The following IL1RL2 variants were observed in gnomAD, a reference collection of about 807,000 sequenced individuals.
The protein encoded by IL1RL2 is interleukin 1 receptor like 2, also known as interleukin-1 receptor-like 2.
In IL1RL2, 68 loss-of-function variants were observed where a neutral mutation model predicts 66.8. The observed-to-expected ratio is 1.02, with a 90% CI of 0.84 to 1.25. IL1RL2 has a LOEUF of 1.25. Ranked by LOEUF, IL1RL2 falls within the 50% of genes most tolerant of loss-of-function variation. The pLI is 0.00. For synonymous variants in IL1RL2, 305 were observed against 264.6 expected, an observed-to-expected ratio of 1.15 and a Z score of -1.48; for missense variants, 729 against 709.3, an observed-to-expected ratio of 1.03 and a Z score of -0.32.
rs1481634028 is a variant in IL1RL2 at position 102,195,559 on chromosome 2, C to CTTTCTTTCTT, written c.489+3440_489+3441insTTCTTTCTTT. Among the ~76,000 whole-genome samples the CTTTCTTTCTT allele has an allele frequency of 6.4e-4, 28 of 43,730 alleles. 6 individuals are homozygous for CTTTCTTTCTT. The highest frequency in any genetic ancestry group is 2.7e-3 in the Admixed American group (12 of 4,390). 28.7% of individuals were successfully genotyped at this position (43,730 alleles called of 152,430 possible). A position where few individuals can be genotyped will look rare whatever the true frequency, so the allele number is the denominator to read the frequency against. On this transcript the variant is annotated intron_variant, in intron 4 of 11. Transcript: ENST00000264257. Reference sequence around the variant, plus strand: ...ATTCCCTTATTCTATTTCTTTCTTTCTCTTTCTTTCTTTCTTTCTTTCTTT... The same window carrying CTTTCTTTCTT: ...ATTCCCTTATTCTATTTCTTTCTTTCTTTCTTTCTTTCTTTCTTTCTTTCTTTCTTTCTTT...
chr2:102,235,667 C>A (rs1338794587), intron 11 of IL1RL2: 2 of 985,188 alleles, frequency 2.0e-6, no homozygotes, highest in Non-Finnish European at 2.4e-6. Flanking sequence ...CCTGTGCTGT[C>A]GGGGGACCAC....
At chr2:102,197,027 C>T (rs1038713339) in intron 4 of IL1RL2, among the ~76,000 whole-genome samples, 1 of 152,014 alleles carries the variant, frequency 6.6e-6, no homozygotes, top group Admixed American at 6.6e-5. Context: ...AAGTGCGGTT[C>T]ATTTCAGAAA....
At chr2:102,208,550 A>G (rs1460365705) in intron 5 of IL1RL2, among the ~76,000 whole-genome samples, 1 of 152,190 alleles carries the variant, frequency 6.6e-6, no homozygotes, top group Non-Finnish European at 1.5e-5. Flanking sequence ...AAGGCTGGAT[A>G]CTTCTTTGAT....
intron 9 of IL1RL2, among the ~76,000 whole-genome samples, chr2:102,226,717 G>A (rs1255619406): frequency 6.6e-6 from 1 of 152,078 alleles, no homozygotes; most frequent in Admixed American, 6.6e-5. Flanking sequence ...GGGAAGAAGG[G>A]AGTTTCGTAG....
Position 102,189,219 on chromosome 2 carries a change from A to G in IL1RL2, c.202A>G (p.Ile68Val). 3.7e-6 allele frequency: 6 copies of G among 1,614,142 alleles called. No homozygotes were observed. Among genetic ancestry groups the G allele is most frequent in the Non-Finnish European group, 5.1e-6 (6 of 1,180,006 alleles). Residue 68 changes from isoleucine (I) to valine (V), a missense_variant, in exon 3 of 12, where the codon ATC becomes GTC. Ile to Val is a conservative substitution (Grantham distance 29, BLOSUM62 3). Coordinates refer to ENST00000264257, the MANE Select transcript of IL1RL2 (RefSeq NM_003854.4). Reference protein sequence around the residue: ...KNSSKIPVSKIIQSRIHQDET... With the variant: ...KNSSKIPVSKVIQSRIHQDET... ...TTCTAGCAAAATCCCAGTGTCCAAA[A>G]TCATACAGTCTAGAATTCACCAGGA...
At chr2:102,212,026 G>A in intron 5 of IL1RL2, 74 bp from the exon 6 acceptor site, 1 of 1,031,604 alleles carries the variant, frequency 9.7e-7, no homozygotes, top group Non-Finnish European at 1.5e-6. Context: ...TGGGCTTCAT[G>A]CTATTACATC....
At chr2:102,230,144 C>T (rs1054274393) in intron 9 of IL1RL2, among the ~76,000 whole-genome samples, 1 of 152,152 alleles carries the variant, frequency 6.6e-6, no homozygotes, top group Non-Finnish European at 1.5e-5. Flanking sequence ...CATCAACTCA[C>T]CCAGCCCTTC....
chr2:102,242,797 A>G (rs994550282), downstream of IL1RL2, among the ~76,000 whole-genome samples: 1 of 152,268 alleles, frequency 6.6e-6, no homozygotes, highest in East Asian at 1.9e-4. Flanking sequence ...AAGTTGACAT[A>G]TAAGGTAAAC....
At chr2:102,215,354 C>T (rs527347631) in intron 6 of IL1RL2, among the ~76,000 whole-genome samples, 6 of 152,270 alleles carry the variant, frequency 3.9e-5, no homozygotes, top group East Asian at 3.9e-4. Context: ...AATGCTTTCC[C>T]GTCATTTCAC....
chr2:102,189,184 G>A lies in IL1RL2; in HGVS notation c.167G>A (p.Trp56Ter). ...ACATCTGGGGAAGTCAGTGTAACATGGTATAAAAATTCTAGCAAAATCCCA... is the reference window on the plus strand; with the variant it reads ...ACATCTGGGGAAGTCAGTGTAACATAGTATAAAAATTCTAGCAAAATCCCA... ...PITSGEVSVT[W>*]YKNSSKIPVS... Residue 56 changes from tryptophan (W) to a stop codon, truncating the protein, a stop_gained, in exon 3 of 12, where the codon TGG (tryptophan) becomes TAG (stop). Transcript: ENST00000264257. LOFTEE classifies it high-confidence loss of function. 2 of 1,613,956 alleles carry A rather than the reference G, an allele frequency of 1.2e-6. No individual in the cohort carries two copies. The highest frequency in any genetic ancestry group is 1.7e-6 in the Non-Finnish European group (2 of 1,179,870).
intron 11 of IL1RL2, among the ~76,000 whole-genome samples, chr2:102,237,765 G>T (rs897811353): frequency 6.6e-6 from 1 of 152,222 alleles, no homozygotes; most frequent in African/African-American, 2.4e-5. Context: ...AGGTTGGCAG[G>T]TAACAGCTCC....
Position 102,195,651 on chromosome 2 carries a change from CTTTCTTTCTTTCTTTCTT to C in IL1RL2, c.489+3533_489+3550del, listed in dbSNP as rs1559530520. On this transcript the variant is annotated intron_variant, in intron 4 of 11. Transcript: ENST00000264257. ...TTTCTCTCTCTCTCTCTCTCTCTTT[CTTTCTTTCTTTCTTTCTT>C]TCTTTCTTTCTTTCTTCTTTCTTCC... Among the ~76,000 whole-genome samples, 55 of 27,248 alleles carry C rather than the reference CTTTCTTTCTTTCTTTCTT, an allele frequency of 2.0e-3. 2 individuals carry two copies. Among genetic ancestry groups the C allele is most frequent in the African/African-American group, 5.3e-3 (51 of 9,712 alleles). The allele number at this position is 27,248 out of a possible 152,430, so 17.9% of individuals were successfully genotyped here. A position where few individuals can be genotyped will look rare whatever the true frequency, so the allele number is the denominator to read the frequency against.
At chr2:102,230,274 GA>G (rs1176510329) in intron 9 of IL1RL2, among the ~76,000 whole-genome samples, 4 of 151,888 alleles carry the variant, frequency 2.6e-5, no homozygotes, top group Non-Finnish European at 4.4e-5. Flanking sequence ...TCTATCTATG[GA>G]AAAAAAATCC....
rs191726892 is a variant in IL1RL2, at chr2:102,189,552, G to A, written c.293+242G>A. 7.2e-4 allele frequency among the ~76,000 whole-genome samples: 109 copies of A among 152,322 alleles called. No individual in the cohort carries two copies. In the Middle Eastern group the frequency reaches 0.014, roughly 19 times the overall value. ...ACCTCAGACCAGACCCACTCACAAA[G>A]TGTGTTTGTCCCAGTATTATTGCTG... On this transcript the variant is annotated intron_variant, in intron 3 of 11. Transcript: ENST00000264257.
At chr2:102,209,445 G>A (rs538163551) in intron 5 of IL1RL2, among the ~76,000 whole-genome samples, 25 of 152,334 alleles carry the variant, frequency 1.6e-4, no homozygotes, top group Non-Finnish European at 3.4e-4. Flanking sequence ...ATTCACAAAA[G>A]TAAAGGAGGG....
chr2:102,194,674 G>A (rs1004782535), intron 4 of IL1RL2, among the ~76,000 whole-genome samples: 10 of 152,012 alleles, frequency 6.6e-5, no homozygotes, highest in Non-Finnish European at 1.3e-4. Context: ...TGATAATGTT[G>A]ATCTTCTTTA....
intron 3 of IL1RL2, among the ~76,000 whole-genome samples, chr2:102,190,305 G>T (rs1687123643): frequency 1.3e-5 from 2 of 152,174 alleles, no homozygotes; most frequent in African/African-American, 2.4e-5. Context: ...AACAAATTTA[G>T]CCTGAGGGCC....
At chr2:102,191,858 A>G in intron 3 of IL1RL2, 67 bp from the exon 4 acceptor site, 1 of 1,113,834 alleles carries the variant, frequency 9.0e-7, no homozygotes, top group Non-Finnish European at 1.3e-6. Flanking sequence ...ACATTTGAAA[A>G]TGAGTGGAAT....
intron 4 of IL1RL2, among the ~76,000 whole-genome samples, chr2:102,196,335 G>T (rs897370538): frequency 6.6e-6 from 1 of 152,162 alleles, no homozygotes; most frequent in Non-Finnish European, 1.5e-5. Context: ...GTGTAAGCAG[G>T]AGGGGTCACC....
Sources: gnomAD v4.1 joint callset for allele counts (sites outside exome capture counted in the v4.1 genomes callset) on GRCh38, gnomAD v4.1.1 for gene constraint, MANE v1.5 for transcripts, NCBI Gene and HGNC (gene_info 2026-07-23, HGNC 2026-07-21) for gene names.